IDE: variants seen among roughly 807,000 people sequenced by gnomAD.
IDE encodes insulin-degrading enzyme.
In IDE, 58 loss-of-function variants were observed where a neutral mutation model predicts 133.2. The ratio of observed to expected loss-of-function variants is 0.44; its 90% CI spans 0.35 to 0.54. The LOEUF (loss-of-function observed/expected upper bound fraction) is 0.54. IDE is among the 20% of genes least tolerant of loss of function. IDE has a pLI of 0.00. For missense variants in IDE, 981 were observed against 1,234.0 expected, an observed-to-expected ratio of 0.79 and a Z score of 3.07; for synonymous variants, 396 against 421.3, an observed-to-expected ratio of 0.94 and a Z score of 0.73.
chr10:92,556,653 G>A (rs537345476), intron 1 of IDE, among the ~76,000 whole-genome samples: 97 of 152,194 alleles, frequency 6.4e-4, no homozygotes, highest in Non-Finnish European at 1.3e-3. Context: ...AGCTACTCGG[G>A]AGGCTGAGGC....
chr10:92,530,370 C>A (rs1849859594), intron 4 of IDE, among the ~76,000 whole-genome samples: 1 of 151,910 alleles, frequency 6.6e-6, no homozygotes, highest in African/African-American at 2.4e-5. Context: ...TTGTGGCTCA[C>A]TGCAGTTGAA....
chr10:92,490,950 A>C (rs1564619126), intron 11 of IDE, among the ~76,000 whole-genome samples: 1 of 152,178 alleles, frequency 6.6e-6, no homozygotes, highest in Non-Finnish European at 1.5e-5. Context: ...AAAAAAAGCA[A>C]AGAAGTTGCG....
chr10:92,524,475 TA>T (rs1400647773), intron 4 of IDE, among the ~76,000 whole-genome samples: 1,123 of 71,786 alleles, frequency 0.016, 145 homozygotes, highest in Admixed American at 0.029. Context: ...ATATAATATA[TA>T]ATATATATTA....
rs140469515 is a variant in IDE, at chr10:92,548,635, C to T, written c.99-11085G>A. 5.7e-3 allele frequency among the ~76,000 whole-genome samples: 874 copies of T among 152,202 alleles called. 4 individuals carry two copies. The highest frequency in any genetic ancestry group is 8.4e-3 in the Non-Finnish European group (568 of 68,008). On this transcript the variant is annotated intron_variant, in intron 1 of 24. Transcript: ENST00000265986. ...CACCTCCATAACCACCATGTTATTA[C>T]CAGCATTCTTAACACATACTTATGT...
At chr10:92,547,248 TA>T (rs571637186) in intron 1 of IDE, among the ~76,000 whole-genome samples, 5 of 65,062 alleles carry the variant, frequency 7.7e-5, no homozygotes, top group African/African-American at 2.4e-4. Flanking sequence ...TAATTTTTTG[TA>T]TTTTTTTTTT....
intron 14 of IDE, among the ~76,000 whole-genome samples, chr10:92,481,541 T>C (rs778988330): frequency 5.3e-5 from 8 of 152,220 alleles, no homozygotes; most frequent in Non-Finnish European, 1.2e-4. Context: ...GATACCTAAA[T>C]TCTGGTTCAT....
chr10:92,468,891 G>C lies in IDE; in HGVS notation c.2308C>G (p.Gln770Glu), dbSNP rs1845823637. 1 of 1,592,052 alleles carries C rather than the reference G, an allele frequency of 6.3e-7. No homozygotes were observed. The highest frequency in any genetic ancestry group is 1.3e-5 in the African/African-American group (1 of 74,598). The change falls in exon 19 of 25, where the codon CAG becomes GAG. Residue 770 changes from glutamine (Q) to glutamate (E), a missense_variant. By Grantham distance (29) the Gln-to-Glu change is conservative. This residue lies in a region of IDE where 660 missense variants were observed against 894.7 expected (regional missense o/e 0.74). Transcript: ENST00000265986. ...CATCTCTACTTACTGTCAGGGAGCT[G>C]AACTTCTCTATACCGAACCAGCTGA... Reference protein sequence around the residue: ...PSQLVRYREVQLPDRGWFVYQ... With the variant: ...PSQLVRYREVELPDRGWFVYQ...
chr10:92,458,493 T>G (rs1165694393), intron 22 of IDE, among the ~76,000 whole-genome samples: 4 of 77,112 alleles, frequency 5.2e-5, no homozygotes, highest in African/African-American at 7.7e-5. Flanking sequence ...TCTCTCTGTT[T>G]TTTTTTTTTT....
Position 92,470,290 on chromosome 10 carries a change from G to T in IDE, c.2172C>A (p.His724Gln), listed in dbSNP as rs1845897431. ...TGTTTCCATGGAGAAGGGCTTCAATGTGCAGCCGTGACAGGAGCTGAGGTA... is the reference window on the plus strand; with the variant it reads ...TGTTTCCATGGAGAAGGGCTTCAATTTGCAGCCGTGACAGGAGCTGAGGTA... ...AFIPQLLSRL[H>Q]IEALLHGNIT... Residue 724 changes from histidine to glutamine, a missense_variant, in exon 18 of 25, where the codon CAC (histidine) becomes CAA (glutamine). This residue lies in a region of IDE where 660 missense variants were observed against 894.7 expected (regional missense o/e 0.74). Transcript: ENST00000265986. The T allele has an allele frequency of 6.2e-7, 1 of 1,605,812 alleles. No homozygotes were observed. The highest frequency in any genetic ancestry group is 8.5e-7 in the Non-Finnish European group (1 of 1,175,706).
chr10:92,520,624 A>G (rs1233255455), intron 4 of IDE, among the ~76,000 whole-genome samples: 2 of 152,190 alleles, frequency 1.3e-5, no homozygotes, highest in Admixed American at 1.3e-4. Flanking sequence ...TGCTATAGCA[A>G]TCTTCTAAAA....
intron 11 of IDE, among the ~76,000 whole-genome samples, chr10:92,493,065 A>C (rs991226015): frequency 5.3e-5 from 8 of 152,200 alleles, no homozygotes; most frequent in Non-Finnish European, 1.0e-4. Flanking sequence ...GATACAGAGG[A>C]ATCAGAGGAT....
chr10:92,547,832 C>A (rs1163316950), intron 1 of IDE, among the ~76,000 whole-genome samples: 1 of 152,170 alleles, frequency 6.6e-6, no homozygotes, highest in African/African-American at 2.4e-5. Flanking sequence ...TAATTACATA[C>A]CCTCACCTTT....
intron 1 of IDE, among the ~76,000 whole-genome samples, chr10:92,559,986 C>T (rs1397188410): frequency 1.3e-5 from 2 of 152,112 alleles, no homozygotes; most frequent in Admixed American, 6.6e-5. Flanking sequence ...ATCCTCCTGC[C>T]TCAGTCTGGG....
rs567880185 is a variant in IDE at position 92,481,097 on chromosome 10, T to C, written c.1740-1676A>G. Among the ~76,000 whole-genome samples, 84 of 152,274 alleles carry C rather than the reference T, an allele frequency of 5.5e-4. 2 individuals are homozygous for C. The South Asian group carries it at 0.017, about 31-fold the overall frequency. ...TTTCCTTCTTTTGGCAAATAGCAGC[T>C]CAAAAACTTAAGGCACAATTCACAA... On this transcript the variant is annotated intron_variant, in intron 14 of 24. Transcript: ENST00000265986.
At chr10:92,516,451 A>C (rs2135576816) in intron 4 of IDE, among the ~76,000 whole-genome samples, 1 of 152,272 alleles carries the variant, frequency 6.6e-6, no homozygotes, top group South Asian at 2.1e-4. Flanking sequence ...CCAAGATTGT[A>C]CCACTGCACT....
chr10:92,482,545 C>T (rs1331812963), intron 14 of IDE, among the ~76,000 whole-genome samples: 2 of 152,164 alleles, frequency 1.3e-5, no homozygotes, highest in African/African-American at 4.8e-5. Flanking sequence ...ACCTCCTCTT[C>T]TAGACAAGTT....
At chr10:92,467,042 A>G (rs1387663191) in intron 19 of IDE, among the ~76,000 whole-genome samples, 7 of 152,082 alleles carry the variant, frequency 4.6e-5, no homozygotes, top group African/African-American at 1.7e-4. Flanking sequence ...ACAAAAATAA[A>G]GATAAATAAA....
chr10:92,504,931 T>C, intron 10 of IDE, 34 bp from the exon 11 acceptor site: 3 of 934,924 alleles, frequency 3.2e-6, no homozygotes, highest in Non-Finnish European at 3.3e-6. Context: ...AAATAAAATA[T>C]ACAAAGCTAC....
chr10:92,528,801 G>A (rs1849762664), intron 4 of IDE, among the ~76,000 whole-genome samples: 1 of 152,146 alleles, frequency 6.6e-6, no homozygotes, highest in Non-Finnish European at 1.5e-5. Flanking sequence ...ATGAGACCAG[G>A]CGTGATGGCT....
Sources: gnomAD v4.1 joint callset for allele counts (sites outside exome capture counted in the v4.1 genomes callset) on GRCh38, gnomAD v4.1.1 for gene constraint, gnomAD v4.1.1 regional missense constraint, MANE v1.5 for transcripts, NCBI Gene and HGNC (gene_info 2026-07-23, HGNC 2026-07-21) for gene names.